SGCD: variants seen among roughly 807,000 people sequenced by gnomAD.
SGCD encodes the protein sarcoglycan delta, also known as delta-sarcoglycan.
SGCD carries 18 observed loss-of-function variants against 36.6 expected under a neutral mutation model. The observed-to-expected ratio is 0.49, with a 90% CI of 0.34 to 0.73. The LOEUF (loss-of-function observed/expected upper bound fraction) is 0.73, where lower values mean the gene tolerates loss of function less well. Among genes scored for constraint, SGCD ranks in the 30% least tolerant of loss-of-function variants. The probability of loss-of-function intolerance (pLI) is 0.01; values close to 1 mark genes in which losing one functional copy is unlikely to be tolerated. For synonymous variants in SGCD, 133 were observed against 130.6 expected (o/e 1.02, Z -0.12); for missense variants, 387 against 346.7 (o/e 1.12, Z -0.92).
chr5:155,940,875 CAAA>C (rs201807136), intron 1 of SGCD, among the ~76,000 whole-genome samples: 3 of 89,730 alleles, frequency 3.3e-5, no homozygotes, highest in East Asian at 3.0e-4. Flanking sequence ...ACAACAACAA[CAAA>C]AAAAACATTA....
chr5:155,738,631 A>G, the SGCD span, among the ~76,000 whole-genome samples: 1 of 151,742 alleles, frequency 6.6e-6, no homozygotes, highest in Admixed American at 6.6e-5. Flanking sequence ...TGAGAGAGAG[A>G]GTCTGTGAGA....
chr5:156,065,382 T>C (rs1231940871), intron 1 of SGCD, among the ~76,000 whole-genome samples: 12 of 123,128 alleles, frequency 9.7e-5, no homozygotes, highest in African/African-American at 3.7e-4. Flanking sequence ...GGAATAGGTG[T>C]GGTGTGGTGC....
chr5:156,487,788 C>CAAAAAAAAAAAAAAAA (rs56006984), intron 3 of SGCD, among the ~76,000 whole-genome samples: 1 of 41,382 alleles, frequency 2.4e-5, no homozygotes, highest in African/African-American at 6.0e-5. Context: ...ACTCTGTCAC[C>CAAAAAAAAAAAAAAAA]AAAAAAAAAA....
chr5:156,072,474 C>T (rs1409582891), intron 1 of SGCD, among the ~76,000 whole-genome samples: 2 of 151,954 alleles, frequency 1.3e-5, no homozygotes, highest in African/African-American at 4.8e-5. Context: ...TCTCTTCTGG[C>T]TTGTAGAGTT....
intron 4 of SGCD, among the ~76,000 whole-genome samples, chr5:156,556,712 G>C (rs981342689): frequency 6.6e-6 from 1 of 152,168 alleles, no homozygotes; most frequent in African/African-American, 2.4e-5. Context: ...GTCAAGTCAT[G>C]TGCATTTTAC....
intron 1 of SGCD, among the ~76,000 whole-genome samples, chr5:156,063,540 A>C (rs2127584895): frequency 8.2e-6 from 1 of 122,582 alleles, no homozygotes; most frequent in Middle Eastern, 4.0e-3. Context: ...GGCCATTTTC[A>C]CGATATTGAT....
At chr5:156,240,742 G>A (rs988145067) in intron 3 of SGCD, among the ~76,000 whole-genome samples, 5 of 151,924 alleles carry the variant, frequency 3.3e-5, no homozygotes, top group East Asian at 1.9e-4. Flanking sequence ...TTTGTGTTTC[G>A]TTTTTTTAAT....
the SGCD span, among the ~76,000 whole-genome samples, chr5:155,755,972 AC>A: frequency 6.6e-6 from 1 of 152,184 alleles, no homozygotes; most frequent in Non-Finnish European, 1.5e-5. Context: ...ATTAGGAATA[AC>A]TTTTATCACC....
At chr5:156,116,792 T>TAAAC (rs1761916273) in intron 1 of SGCD, among the ~76,000 whole-genome samples, 1 of 152,136 alleles carries the variant, frequency 6.6e-6, no homozygotes, top group Non-Finnish European at 1.5e-5. Context: ...TTGGAAAGAT[T>TAAAC]TCATGAGAAA....
At chr5:156,385,214 T>A (rs1000824962) in intron 3 of SGCD, among the ~76,000 whole-genome samples, 23 of 152,160 alleles carry the variant, frequency 1.5e-4, no homozygotes, top group Non-Finnish European at 7.4e-5. Context: ...CAAACCACCT[T>A]TCTTTTCTAG....
At chr5:155,734,762 C>G in the SGCD span, among the ~76,000 whole-genome samples, 1 of 152,196 alleles carries the variant, frequency 6.6e-6, no homozygotes, top group African/African-American at 2.4e-5. Flanking sequence ...TTTTACTTTT[C>G]TAGCAATTAG....
intron 5 of SGCD, among the ~76,000 whole-genome samples, chr5:156,594,367 T>C (rs908207219): frequency 2.6e-5 from 4 of 152,142 alleles, no homozygotes; most frequent in Non-Finnish European, 4.4e-5. Flanking sequence ...ATATAAAAGA[T>C]TGAACAACTT....
At chr5:155,840,020 A>G in the SGCD span, among the ~76,000 whole-genome samples, 1 of 152,008 alleles carries the variant, frequency 6.6e-6, no homozygotes, top group Non-Finnish European at 1.5e-5. Context: ...CCCTGATTGA[A>G]TGTGCCTGAA....
intron 1 of SGCD, among the ~76,000 whole-genome samples, chr5:155,975,922 G>A (rs1758104609): frequency 2.0e-5 from 3 of 151,796 alleles, no homozygotes; most frequent in East Asian, 1.9e-4. Context: ...GAGCCACTGC[G>A]CTCGGCCATG....
chr5:156,409,000 A>G (rs1772591217), intron 3 of SGCD, among the ~76,000 whole-genome samples: 1 of 152,170 alleles, frequency 6.6e-6, no homozygotes, highest in South Asian at 2.1e-4. Context: ...TTCTCCTGGA[A>G]GTAGGAAGAC....
chr5:156,068,748 A>G (rs1760425740), intron 1 of SGCD, among the ~76,000 whole-genome samples: 1 of 151,584 alleles, frequency 6.6e-6, no homozygotes, highest in East Asian at 1.9e-4. Context: ...AACAGTGTCA[A>G]AGTGTTCCTA....
intron 3 of SGCD, among the ~76,000 whole-genome samples, chr5:156,444,135 T>C (rs1246853808): frequency 2.0e-4 from 25 of 123,882 alleles, no homozygotes; most frequent in Admixed American, 4.9e-4. Flanking sequence ...TCTCTCTCTC[T>C]CTCCTTCCCT....
chr5:156,739,925 T>C (rs548882122), intron 7 of SGCD: 14 of 152,246 alleles, frequency 9.2e-5, no homozygotes, highest in African/African-American at 3.1e-4. Context: ...CCATGGTATA[T>C]AATATGGATT....
At chr5:156,468,716 G>A (rs532497136) in intron 3 of SGCD, among the ~76,000 whole-genome samples, 1 of 152,212 alleles carries the variant, frequency 6.6e-6, no homozygotes, top group Admixed American at 6.5e-5. Context: ...ATGTGGCTGT[G>A]TGTGGTGGCT....
Sources: gnomAD v4.1 joint callset for allele counts (sites outside exome capture counted in the v4.1 genomes callset) on GRCh38, gnomAD v4.1.1 for gene constraint, MANE v1.5 for transcripts, NCBI Gene and HGNC (gene_info 2026-07-23, HGNC 2026-07-21) for gene names.